Variants in UPRT observed in about 807,000 individuals in gnomAD.
UPRT encodes RP11-311P8.3.
In UPRT, 5 loss-of-function variants were observed where a neutral mutation model predicts 22.6. That is an observed-to-expected ratio of 0.22 (90% CI 0.12 to 0.47). UPRT has a LOEUF of 0.47. UPRT is among the 20% of genes least tolerant of loss of function. The pLI, the probability that UPRT is intolerant of heterozygous loss-of-function variation, is 0.99. For missense variants in UPRT, 181 were observed against 239.9 expected, an observed-to-expected ratio of 0.75 and a Z score of 1.62; for synonymous variants, 77 against 87.7, an observed-to-expected ratio of 0.88 and a Z score of 0.68.
chrX:75,227,971 C>A (rs986038457), intron 4 of UPRT, among the ~76,000 whole-genome samples: 12 of 112,003 alleles, frequency 1.1e-4, no homozygotes, highest in Non-Finnish European at 1.7e-4. Flanking sequence ...CAAATTCACA[C>A]AGGCACATTG....
chrX:75,303,441 C>T lies in UPRT; in HGVS notation c.860C>T (p.Thr287Ile), dbSNP rs2082751299. 4.1e-6 allele frequency: 5 copies of T among 1,206,436 alleles called. No homozygotes were observed. Among genetic ancestry groups the T allele is most frequent in the Non-Finnish European group, 5.6e-6 (5 of 894,128 alleles). ...KSIIQEFPEI[T>I]ILTTEVHPVA... Reference sequence around the variant, plus strand: ...ATCATTCAGGAGTTTCCAGAGATCACAATTTTAACTACTGAAGTTCATCCT... The same window carrying T: ...ATCATTCAGGAGTTTCCAGAGATCATAATTTTAACTACTGAAGTTCATCCT... The change falls in exon 7 of 7, where the codon ACA becomes ATA. Residue 287 changes from threonine (T) to isoleucine (I), a missense_variant. Thr to Ile is a moderately conservative substitution (Grantham distance 89). Transcript: ENST00000373383.
chrX:75,183,184 C>G (rs753439345), intron 4 of UPRT, among the ~76,000 whole-genome samples: 45 of 110,049 alleles, frequency 4.1e-4, no homozygotes, highest in African/African-American at 1.5e-3. Context: ...CCCCGCACCC[C>G]ACGACAAGCC....
intron 4 of UPRT, among the ~76,000 whole-genome samples, chrX:75,227,634 A>T (rs1196564306): frequency 8.9e-6 from 1 of 112,560 alleles, no homozygotes; most frequent in Non-Finnish European, 1.9e-5. Flanking sequence ...ATTCTTTTTC[A>T]TGGGGTACCC....
intron 4 of UPRT, among the ~76,000 whole-genome samples, chrX:75,197,584 G>T (rs1230507592): frequency 2.7e-5 from 3 of 111,176 alleles, no homozygotes; most frequent in Non-Finnish European, 3.8e-5. Flanking sequence ...AAATAAAACT[G>T]CAATAATTAA....
intron 4 of UPRT, among the ~76,000 whole-genome samples, chrX:75,183,475 G>C (rs750203685): frequency 8.9e-6 from 1 of 111,924 alleles, no homozygotes. Context: ...TAGTGCCGCA[G>C]TAAACATATG....
upstream of UPRT, among the ~76,000 whole-genome samples, chrX:75,272,372 A>ATATATACACATATATATATG (rs2082614012): frequency 1.1e-5 from 1 of 89,781 alleles, no homozygotes; most frequent in Non-Finnish European, 2.1e-5. Context: ...ATATATATAT[A>ATATATACACATATATATATG]TGTATATATA....
At chrX:75,165,504 A>T (rs1371981649) in intron 3 of UPRT, among the ~76,000 whole-genome samples, 2 of 111,562 alleles carry the variant, frequency 1.8e-5, no homozygotes, top group African/African-American at 6.5e-5. Flanking sequence ...AATTGAAACT[A>T]AGAAGAATCC....
At chrX:75,268,847 A>G (rs1461200487) in intron 4 of UPRT, among the ~76,000 whole-genome samples, 2 of 112,193 alleles carry the variant, frequency 1.8e-5, no homozygotes, top group Non-Finnish European at 3.8e-5. Context: ...GAAAACCAGC[A>G]CAAGACAAGG....
chrX:75,296,507 C>T (rs1485277559), intron 3 of UPRT, 96 bp downstream of exon 3: 8 of 716,263 alleles, frequency 1.1e-5, no homozygotes, highest in Non-Finnish European at 1.7e-5. Flanking sequence ...AATAAATATG[C>T]AAAATGAAGG....
intron 4 of UPRT, among the ~76,000 whole-genome samples, chrX:75,192,870 G>C (rs1480546449): frequency 3.6e-5 from 4 of 111,850 alleles, no homozygotes; most frequent in Non-Finnish European, 7.5e-5. Context: ...TGGGGGATGG[G>C]TCTCTTGAAT....
chrX:75,207,010 A>G (rs1002989132), intron 4 of UPRT, among the ~76,000 whole-genome samples: 1 of 112,408 alleles, frequency 8.9e-6, no homozygotes, highest in Middle Eastern at 4.6e-3. Context: ...AAATTTGCTA[A>G]AACCTTTTCC....
intron 3 of UPRT, 109 bp downstream of exon 3, chrX:75,296,520 T>G: frequency 1.7e-6 from 1 of 582,274 alleles, no homozygotes; most frequent in Non-Finnish European, 2.7e-6. Context: ...AATGAAGGGC[T>G]AGGTGGAGCT....
At chrX:75,226,271 A>T (rs2082423757) in intron 4 of UPRT, among the ~76,000 whole-genome samples, 1 of 111,501 alleles carries the variant, frequency 9.0e-6, no homozygotes, top group African/African-American at 3.3e-5. Flanking sequence ...GTAGCTTCTT[A>T]ACTATTGTAA....
chrX:75,249,069 C>T (rs1211102145), intron 4 of UPRT, among the ~76,000 whole-genome samples: 1 of 111,293 alleles, frequency 9.0e-6, no homozygotes, highest in East Asian at 2.8e-4. Flanking sequence ...GTGTTAAACA[C>T]GGAGAGGAAC....
intron 4 of UPRT, among the ~76,000 whole-genome samples, chrX:75,200,056 G>T (rs1018037951): frequency 8.9e-6 from 1 of 111,837 alleles, no homozygotes; most frequent in Non-Finnish European, 1.9e-5. Flanking sequence ...TTTACTAATG[G>T]TGGTTCAACC....
intron 4 of UPRT, among the ~76,000 whole-genome samples, chrX:75,237,304 T>G (rs1457152344): frequency 1.8e-5 from 2 of 111,425 alleles, no homozygotes. Flanking sequence ...AAACAACAGG[T>G]GTTGGAGAGG....
intron 4 of UPRT, among the ~76,000 whole-genome samples, chrX:75,229,083 G>A (rs1007328856): frequency 3.6e-5 from 4 of 111,850 alleles, no homozygotes; most frequent in African/African-American, 1.3e-4. Context: ...AGGGTCTAAT[G>A]TACCATATGG....
At chrX:75,286,311 G>GGC (rs1167520558) in intron 1 of UPRT, among the ~76,000 whole-genome samples, 1 of 85,272 alleles carries the variant, frequency 1.2e-5, no homozygotes, top group East Asian at 6.2e-4. Flanking sequence ...TTACTTGGGG[G>GGC]GGGGGTGGGT....
intron 1 of UPRT, among the ~76,000 whole-genome samples, chrX:75,287,595 G>A (rs1166392166): frequency 9.0e-6 from 1 of 111,180 alleles, no homozygotes; most frequent in Non-Finnish European, 1.9e-5. Flanking sequence ...GGTTTAACAA[G>A]TCCACATTAA....
Sources: allele counts gnomAD v4.1 joint callset (sites outside exome capture counted in the v4.1 genomes callset), GRCh38; gene constraint gnomAD v4.1.1; transcripts MANE v1.5; gene names NCBI Gene and HGNC (gene_info 2026-07-23, HGNC 2026-07-21).